TSPAN7: variants seen among roughly 807,000 people sequenced by gnomAD.
TSPAN7 encodes tetraspanin-7.
TSPAN7 carries 1 observed loss-of-function variant against 17.6 expected under a neutral mutation model. That is an observed-to-expected ratio of 0.06 (90% confidence interval 0.02 to 0.27). TSPAN7 has a LOEUF of 0.27. Among genes scored for constraint, TSPAN7 ranks in the 10% least tolerant of loss-of-function variants. The pLI, the probability that TSPAN7 is intolerant of heterozygous loss-of-function variation, is 1.00. For missense variants in TSPAN7, 112 were observed against 201.7 expected (o/e 0.56, Z 2.69); for synonymous variants, 78 against 79.0 (o/e 0.99, Z 0.07).
chrX:38,626,984 G>C (rs2069526440), intron 1 of TSPAN7, among the ~76,000 whole-genome samples: 1 of 111,105 alleles, frequency 9.0e-6, no homozygotes, highest in East Asian at 2.8e-4. Flanking sequence ...GACTAGCCTG[G>C]GTATGGCCTT....
chrX:38,602,519 G>A (rs1264730474), intron 1 of TSPAN7, among the ~76,000 whole-genome samples: 6 of 111,544 alleles, frequency 5.4e-5, no homozygotes, highest in African/African-American at 2.0e-4. Context: ...GGTCATGAAT[G>A]GGATATTTAC....
chrX:38,655,991 T>A (rs1181080450), intron 1 of TSPAN7: 1 of 324,412 alleles, frequency 3.1e-6, no homozygotes, highest in Admixed American at 3.2e-5. Context: ...GATTCGTTTT[T>A]CCAGATTCAT....
chrX:38,656,763 T>C (rs1197876776), intron 1 of TSPAN7, among the ~76,000 whole-genome samples: 1 of 112,022 alleles, frequency 8.9e-6, no homozygotes, highest in Non-Finnish European at 1.9e-5. Flanking sequence ...TAACCTCTGG[T>C]TTGCTTGCTT....
At chrX:38,581,829 C>T (rs762580655) in intron 1 of TSPAN7, among the ~76,000 whole-genome samples, 1 of 112,417 alleles carries the variant, frequency 8.9e-6, no homozygotes, top group Admixed American at 9.4e-5. Context: ...TGGCTATAAG[C>T]CCCCAACCAC....
intron 1 of TSPAN7, among the ~76,000 whole-genome samples, chrX:38,631,528 C>T (rs1254810376): frequency 1.8e-5 from 2 of 111,084 alleles, no homozygotes; most frequent in African/African-American, 3.3e-5. Flanking sequence ...TGCAAACTTG[C>T]TTACTTCTGA....
chrX:38,618,557 G>T (rs1055763125), intron 1 of TSPAN7, among the ~76,000 whole-genome samples: 1 of 111,496 alleles, frequency 9.0e-6, no homozygotes. Flanking sequence ...GAGAGTGGGA[G>T]AGTAAGGAGG....
At chrX:38,672,026 C>T (rs1447242886) in intron 3 of TSPAN7, among the ~76,000 whole-genome samples, 1 of 110,967 alleles carries the variant, frequency 9.0e-6, no homozygotes, top group Non-Finnish European at 1.9e-5. Context: ...CCAGCCTGGG[C>T]AAGAGAGTGA....
At chrX:38,630,257 T>C (rs2069542846) in intron 1 of TSPAN7, among the ~76,000 whole-genome samples, 1 of 112,359 alleles carries the variant, frequency 8.9e-6, no homozygotes, top group Non-Finnish European at 1.9e-5. Flanking sequence ...AAATGTGTAA[T>C]TGTTTCTAGA....
At chrX:38,628,793 G>A (rs922279447) in intron 1 of TSPAN7, among the ~76,000 whole-genome samples, 10 of 111,634 alleles carry the variant, frequency 9.0e-5, no homozygotes, top group Non-Finnish European at 1.9e-4. Context: ...GGGATTTGAT[G>A]ACATCATCAT....
intron 1 of TSPAN7, among the ~76,000 whole-genome samples, chrX:38,620,684 A>G (rs1164432734): frequency 8.9e-6 from 1 of 111,792 alleles, no homozygotes; most frequent in Admixed American, 9.5e-5. Flanking sequence ...AAGGGATCAA[A>G]CCCAGTTCTG....
chrX:38,581,954 T>A (rs1233940462), intron 1 of TSPAN7, among the ~76,000 whole-genome samples: 1 of 112,641 alleles, frequency 8.9e-6, no homozygotes, highest in Admixed American at 9.4e-5. Flanking sequence ...CATTTTCCCA[T>A]GAGCTGACAC....
chrX:38,576,473 T>C (rs1473967008), intron 1 of TSPAN7, among the ~76,000 whole-genome samples: 1 of 112,428 alleles, frequency 8.9e-6, no homozygotes, highest in African/African-American at 3.2e-5. Context: ...GTTGAAATGG[T>C]AATATTTTGG....
chrX:38,634,063 T>C (rs1178249035), intron 1 of TSPAN7, among the ~76,000 whole-genome samples: 3 of 112,144 alleles, frequency 2.7e-5, no homozygotes, highest in Non-Finnish European at 5.6e-5. Flanking sequence ...TGGCTGGTGC[T>C]TGAAAGGATG....
chrX:38,661,281 A>T (rs1459131303), intron 1 of TSPAN7, among the ~76,000 whole-genome samples: 1 of 112,955 alleles, frequency 8.9e-6, no homozygotes, highest in East Asian at 2.8e-4. Context: ...GCATATTGCC[A>T]AACCTATCTG....
intron 1 of TSPAN7, among the ~76,000 whole-genome samples, chrX:38,563,596 C>CAT (rs1387940715): frequency 2.7e-5 from 3 of 111,467 alleles, no homozygotes; most frequent in Non-Finnish European, 3.8e-5. Context: ...TGAGGCTTTT[C>CAT]ATATGAGCAC....
At chrX:38,678,413 G>C (rs192836299) in intron 5 of TSPAN7, among the ~76,000 whole-genome samples, 124 of 112,330 alleles carry the variant, frequency 1.1e-3, no homozygotes, top group East Asian at 5.6e-3. Context: ...ACTGTTCTGA[G>C]TGTTTCCTAG....
At position 38,650,670 on chromosome X, in the gene TSPAN7, C is replaced by T. The variant is rs375873746; in HGVS notation, c.82-15451C>T. On this transcript the variant is annotated intron_variant, in intron 1 of 7. Transcript: ENST00000378482. ...AGGATTTCTGCTTCTTGCTGAGAAGCCTTAGCTTTCTAAAATAAGTTGTTT... is the reference window on the plus strand; with the variant it reads ...AGGATTTCTGCTTCTTGCTGAGAAGTCTTAGCTTTCTAAAATAAGTTGTTT... Among the ~76,000 whole-genome samples the T allele has an allele frequency of 8.0e-5, 9 of 112,392 alleles. No individual in the cohort carries two copies. In the East Asian group the frequency reaches 2.0e-3, roughly 25 times the overall value.
intron 4 of TSPAN7, among the ~76,000 whole-genome samples, chrX:38,675,081 ACTT>A (rs2147454652): frequency 8.9e-6 from 1 of 112,075 alleles, no homozygotes; most frequent in East Asian, 2.8e-4. Flanking sequence ...GGGTTGGCAA[ACTT>A]CTTCTGTAAA....
chrX:38,631,340 T>C (rs1478824917), intron 1 of TSPAN7, among the ~76,000 whole-genome samples: 3 of 110,785 alleles, frequency 2.7e-5, no homozygotes, highest in Non-Finnish European at 5.7e-5. Flanking sequence ...TGCCAACAAA[T>C]ACACTGAAAA....
Sources: gnomAD v4.1 joint callset for allele counts (sites outside exome capture counted in the v4.1 genomes callset) on GRCh38, gnomAD v4.1.1 for gene constraint, MANE v1.5 for transcripts, NCBI Gene and HGNC (gene_info 2026-07-23, HGNC 2026-07-21) for gene names.